ZMAT4: variants seen among roughly 807,000 people sequenced by gnomAD.
ZMAT4 encodes the protein zinc finger matrin-type 4, also known as zinc finger matrin-type protein 4.
Under a neutral mutation model 28.7 loss-of-function variants are expected in ZMAT4, and 17 were observed. The observed-to-expected ratio is 0.59, with a 90% CI of 0.41 to 0.89. The LOEUF (loss-of-function observed/expected upper bound fraction) is 0.89, where lower values mean the gene tolerates loss of function less well. Among genes scored for constraint, ZMAT4 ranks in the 40% least tolerant of loss-of-function variants. The pLI, the probability that ZMAT4 is intolerant of heterozygous loss-of-function variation, is 0.00. For synonymous variants in ZMAT4, 117 were observed against 109.2 expected, an observed-to-expected ratio of 1.07 and a Z score of -0.44; for missense variants, 240 against 283.8, an observed-to-expected ratio of 0.85 and a Z score of 1.11.
At chr8:40,558,804 G>T (rs1308013952) in intron 6 of ZMAT4, among the ~76,000 whole-genome samples, 1 of 151,888 alleles carries the variant, frequency 6.6e-6, no homozygotes, top group African/African-American at 2.4e-5. Flanking sequence ...TCCCAGCCAC[G>T]ACAGGATGAG....
At chr8:40,672,874 G>A (rs1365521425) in intron 5 of ZMAT4, among the ~76,000 whole-genome samples, 1 of 152,152 alleles carries the variant, frequency 6.6e-6, no homozygotes, top group African/African-American at 2.4e-5. Flanking sequence ...TCAAAAAGCA[G>A]TAGTACCATT....
intron 5 of ZMAT4, among the ~76,000 whole-genome samples, chr8:40,652,008 G>A (rs1807686388): frequency 1.2e-4 from 9 of 77,868 alleles, no homozygotes; most frequent in East Asian, 4.0e-4. Context: ...TTACCATTCA[G>A]GACATAGGCA....
At chr8:40,844,291 G>A (rs1816801456) in intron 1 of ZMAT4, among the ~76,000 whole-genome samples, 1 of 152,190 alleles carries the variant, frequency 6.6e-6, no homozygotes, top group Non-Finnish European at 1.5e-5. Flanking sequence ...GAAGAGATTA[G>A]TGTTTGAATT....
chr8:40,646,844 C>G (rs897783050), intron 5 of ZMAT4, among the ~76,000 whole-genome samples: 2 of 152,030 alleles, frequency 1.3e-5, no homozygotes, highest in Non-Finnish European at 2.9e-5. Flanking sequence ...CATGATAAAC[C>G]AAGTAAACCT....
chr8:40,825,325 G>A (rs1415822390), intron 2 of ZMAT4, among the ~76,000 whole-genome samples: 4 of 152,094 alleles, frequency 2.6e-5, no homozygotes, highest in African/African-American at 9.7e-5. Flanking sequence ...AGAGTCTCCA[G>A]GGGCTGAGAT....
intron 1 of ZMAT4, among the ~76,000 whole-genome samples, chr8:40,832,929 T>C (rs564503420): frequency 6.6e-6 from 1 of 152,290 alleles, no homozygotes; most frequent in African/African-American, 2.4e-5. Flanking sequence ...AATTTTGAGT[T>C]TTTATTCCCT....
chr8:40,783,041 T>C (rs1161612427), intron 2 of ZMAT4, among the ~76,000 whole-genome samples: 2 of 152,230 alleles, frequency 1.3e-5, no homozygotes, highest in Non-Finnish European at 2.9e-5. Context: ...CATATGACTC[T>C]GAAATTTCAC....
chr8:40,825,787 T>C (rs1410341061), intron 1 of ZMAT4, 107 bp from the exon 2 acceptor site: 18 of 807,790 alleles, frequency 2.2e-5, no homozygotes, highest in Non-Finnish European at 3.1e-5. Flanking sequence ...CTGACAATGG[T>C]GACAGAGGGG....
chr8:40,544,567 C>G (rs1234330508), intron 6 of ZMAT4, among the ~76,000 whole-genome samples: 1 of 152,170 alleles, frequency 6.6e-6, no homozygotes, highest in Non-Finnish European at 1.5e-5. Flanking sequence ...TGGAGAAGGG[C>G]TTTTCTTGGA....
At chr8:40,680,394 G>A (rs538211040) in intron 4 of ZMAT4, among the ~76,000 whole-genome samples, 2 of 152,162 alleles carry the variant, frequency 1.3e-5, no homozygotes, top group East Asian at 1.9e-4. Flanking sequence ...CCCCAGCTTC[G>A]GAGGACAGAC....
intron 3 of ZMAT4, among the ~76,000 whole-genome samples, chr8:40,761,730 A>C (rs958412746): frequency 1.3e-5 from 2 of 152,198 alleles, no homozygotes; most frequent in Non-Finnish European, 2.9e-5. Flanking sequence ...TTGATTAATT[A>C]TGAAAGGGCC....
chr8:40,589,731 C>CCTTTTTTTTCTTTCTTTCTTTCTTTCTTT (rs1554523987), intron 5 of ZMAT4, among the ~76,000 whole-genome samples: 1 of 139,274 alleles, frequency 7.2e-6, no homozygotes. Context: ...TTCTTCCTTT[C>CCTTTTTTTTCTTTCTTTCTTTCTTTCTTT]CTTTCTTTCT....
At chr8:40,568,419 C>T (rs955314968) in intron 6 of ZMAT4, among the ~76,000 whole-genome samples, 14 of 152,144 alleles carry the variant, frequency 9.2e-5, no homozygotes, top group African/African-American at 3.4e-4. Context: ...CCCGCAGCTT[C>T]ACTGAGATCC....
In ZMAT4 at chr8:40,723,371, C is replaced by T. The variant is rs111819665; in HGVS notation, c.193-25970G>A. 4.3e-3 allele frequency among the ~76,000 whole-genome samples: 658 copies of T among 151,824 alleles called. 5 individuals carry two copies. Among genetic ancestry groups the T allele is most frequent in the African/African-American group, 0.015 (631 of 41,412 alleles). On this transcript the variant is annotated intron_variant, in intron 3 of 6. Transcript: ENST00000297737. ...CAGCCTGGCCTACATGGTGAAACCC[C>T]GTCTCTACCAAAAATACAAAAATTA...
Position 40,560,973 on chromosome 8 carries a change from A to C in ZMAT4, c.674+20192T>G, listed in dbSNP as rs549409412. On this transcript the variant is annotated intron_variant, in intron 6 of 6. Coordinates refer to ENST00000297737, the MANE Select transcript of ZMAT4 (RefSeq NM_024645.3). ...CCTATTTCTTGTATATTAGTCCCCAAAAAACCCTTTTACTTAGTAGAGATT... is the reference window on the plus strand; with the variant it reads ...CCTATTTCTTGTATATTAGTCCCCACAAAACCCTTTTACTTAGTAGAGATT... Among the ~76,000 whole-genome samples, 3 of 152,244 alleles carry C rather than the reference A, an allele frequency of 2.0e-5. No individual in the cohort carries two copies. In the South Asian group the frequency reaches 6.2e-4, roughly 32 times the overall value.
intron 2 of ZMAT4, among the ~76,000 whole-genome samples, chr8:40,809,366 G>A (rs1815229254): frequency 6.6e-6 from 1 of 152,128 alleles, no homozygotes; most frequent in South Asian, 2.1e-4. Flanking sequence ...TACCTGTTGG[G>A]TTCTATGCTC....
intron 1 of ZMAT4, among the ~76,000 whole-genome samples, chr8:40,878,929 A>G (rs560588189): frequency 6.6e-6 from 1 of 152,292 alleles, no homozygotes; most frequent in South Asian, 2.1e-4. Flanking sequence ...TGGCTTTCCA[A>G]TGACAATTCT....
intron 5 of ZMAT4, among the ~76,000 whole-genome samples, chr8:40,653,083 T>A (rs1807755376): frequency 6.6e-6 from 1 of 151,818 alleles, no homozygotes. Context: ...TAAAGTATAA[T>A]AATAATAATA....
At chr8:40,705,353 A>T (rs1810306276) in intron 3 of ZMAT4, among the ~76,000 whole-genome samples, 1 of 152,194 alleles carries the variant, frequency 6.6e-6, no homozygotes, top group African/African-American at 2.4e-5. Flanking sequence ...CCGAGAGAGC[A>T]AAGGTGGGAT....
Sources: allele counts gnomAD v4.1 joint callset (sites outside exome capture counted in the v4.1 genomes callset), GRCh38; gene constraint gnomAD v4.1.1; transcripts MANE v1.5; gene names NCBI Gene and HGNC (gene_info 2026-07-23, HGNC 2026-07-21).